The following PLA2G5 variants were observed in gnomAD, a reference collection of about 807,000 sequenced individuals.
PLA2G5 encodes the protein Ca2+-dependent phospholipase A2.
A neutral mutation model predicts 15.9 loss-of-function variants in PLA2G5; 12 were observed. The ratio of observed to expected loss-of-function variants is 0.76; its 90% CI spans 0.48 to 1.23. PLA2G5 has a LOEUF of 1.23. Ranked by LOEUF, PLA2G5 falls within the 50% of genes most tolerant of loss-of-function variation. PLA2G5 has a pLI of 0.00. For synonymous variants in PLA2G5, 71 were observed against 71.4 expected, an observed-to-expected ratio of 0.99 and a Z score of 0.03; for missense variants, 169 against 177.1, an observed-to-expected ratio of 0.95 and a Z score of 0.26.
intron 1 of PLA2G5, among the ~76,000 whole-genome samples, chr1:20,080,261 T>G (rs572782440): frequency 6.6e-6 from 1 of 152,244 alleles, no homozygotes; most frequent in Admixed American, 6.5e-5. Flanking sequence ...CTCTGATCAC[T>G]GTCCCTCCTG....
chr1:20,047,354 G>GAA (rs200094633), intron 1 of PLA2G5, among the ~76,000 whole-genome samples: 1 of 139,680 alleles, frequency 7.2e-6, no homozygotes, highest in Non-Finnish European at 1.6e-5. Context: ...CTCCTTTTAG[G>GAA]AAAAAAAAAA....
chr1:20,030,531 C>T (rs920054697), intron 1 of PLA2G5, among the ~76,000 whole-genome samples: 68 of 151,826 alleles, frequency 4.5e-4, no homozygotes, highest in African/African-American at 1.6e-3. Context: ...AGACAGATGC[C>T]TTCCTCTTAT....
upstream of PLA2G5, chr1:20,068,740 C>A (rs1050325053): frequency 9.1e-6 from 3 of 328,102 alleles, no homozygotes; most frequent in Admixed American, 1.3e-4. Context: ...AGTGAGCCCC[C>A]ACGCCCGGCC....
At chr1:20,061,974 C>A (rs77796806) in intron 2 of PLA2G5, among the ~76,000 whole-genome samples, 4,368 of 152,264 alleles carry the variant, frequency 0.029, 117 homozygotes, top group Admixed American at 0.089. Flanking sequence ...GAGGCAGATC[C>A]CTCAAGAATG....
chr1:20,081,837 A>C (rs1281761570), intron 1 of PLA2G5, among the ~76,000 whole-genome samples: 1 of 151,838 alleles, frequency 6.6e-6, no homozygotes, highest in East Asian at 1.9e-4. Flanking sequence ...GCGGATCCTG[A>C]GGTCAGGAGA....
chr1:20,061,127 C>T (rs945533035), intron 2 of PLA2G5, among the ~76,000 whole-genome samples: 2 of 152,186 alleles, frequency 1.3e-5, no homozygotes, highest in African/African-American at 2.4e-5. Flanking sequence ...CTCCATTGCT[C>T]TCACCTCTCT....
At chr1:20,069,544 ATGTGCC>A (rs1203396320), upstream of PLA2G5, among the ~76,000 whole-genome samples, 4 of 152,082 alleles carry the variant, frequency 2.6e-5, no homozygotes, top group Non-Finnish European at 5.9e-5. Flanking sequence ...ATGGGGTGGC[ATGTGCC>A]TGTGGTCCCA....
intron 1 of PLA2G5, among the ~76,000 whole-genome samples, chr1:20,029,248 A>AGAGGGGGCATGTAGCAG (rs1389687355): frequency 6.6e-6 from 1 of 152,062 alleles, no homozygotes; most frequent in East Asian, 1.9e-4. Flanking sequence ...TGCCCCCACC[A>AGAGGGGGCATGTAGCAG]AACTCCATGT....
chr1:20,081,039 G>C (rs2015990667), intron 1 of PLA2G5, among the ~76,000 whole-genome samples: 1 of 152,030 alleles, frequency 6.6e-6, no homozygotes, highest in South Asian at 2.1e-4. Context: ...GGGAGGTCTT[G>C]GAGCTGCTGC....
chr1:20,054,660 C>T (rs1055042821), intron 1 of PLA2G5: 3 of 152,016 alleles, frequency 2.0e-5, no homozygotes, highest in African/African-American at 4.8e-5. Context: ...TACAGTCCTC[C>T]ATTGTTGGGA....
rs537736794 is a variant in PLA2G5, at chr1:20,076,337, A to G, written c.-11+5872A>G. On this transcript the variant is annotated intron_variant, in intron 1 of 4. Transcript: ENST00000375108. ...CAAAAATCCAGTTCCACTCATCGGC[A>G]ATTATTGGAACACTGAACCAACTTA... Among the ~76,000 whole-genome samples, 71 of 152,256 alleles carry G rather than the reference A, an allele frequency of 4.7e-4. 1 individual carries two copies. The highest frequency in any genetic ancestry group is 3.9e-4 in the Admixed American group (6 of 15,298).
In PLA2G5 at chr1:20,090,746, C is replaced by T; in HGVS notation, c.*54C>T. 6.3e-7 allele frequency: 1 copy of T among 1,584,914 alleles called. No homozygotes were observed. Among genetic ancestry groups the T allele is most frequent in the Non-Finnish European group, 8.7e-7 (1 of 1,153,832 alleles). ...AGACTTTTGTTCTGTTTTTCTACAACACAGAGTACTGACTCTGCCTGGTTC... is the reference window on the plus strand; with the variant it reads ...AGACTTTTGTTCTGTTTTTCTACAATACAGAGTACTGACTCTGCCTGGTTC... On this transcript the variant is annotated 3_prime_UTR_variant, in exon 5 of 5. Transcript: ENST00000375108.
chr1:20,055,535 A>G (rs1238274479), intron 1 of PLA2G5, among the ~76,000 whole-genome samples: 1 of 152,188 alleles, frequency 6.6e-6, no homozygotes, highest in East Asian at 1.9e-4. Flanking sequence ...GTTTGGCTGC[A>G]GGACCATAGA....
At position 20,089,786 on chromosome 1, in the gene PLA2G5, C is replaced by T; in HGVS notation, c.186-3C>T. 2 of 1,612,888 alleles carry T rather than the reference C, an allele frequency of 1.2e-6. No individual in the cohort carries two copies. The highest frequency in any genetic ancestry group is 1.7e-6 in the Non-Finnish European group (2 of 1,178,878). On this transcript the variant is annotated splice_region_variant and splice_polypyrimidine_tract_variant and intron_variant, in intron 3 of 4. Coordinates refer to ENST00000375108, the MANE Select transcript of PLA2G5 (RefSeq NM_000929.3). ...TCGGGATCTAAGTCTCTTGCACGGA[C>T]AGGTGCTGTTGGGCGCATGACCACT...
intron 1 of PLA2G5, among the ~76,000 whole-genome samples, chr1:20,049,065 G>T (rs562825957): frequency 6.6e-6 from 1 of 152,042 alleles, no homozygotes; most frequent in Non-Finnish European, 1.5e-5. Context: ...AAATAAGAGA[G>T]GTTTAAGGAA....
chr1:20,049,870 G>A (rs2014097092), intron 1 of PLA2G5, among the ~76,000 whole-genome samples: 1 of 152,164 alleles, frequency 6.6e-6, no homozygotes, highest in Non-Finnish European at 1.5e-5. Context: ...CTTTTAAAGG[G>A]TGTGAAATAG....
At chr1:20,067,356 A>G (rs1251775610), upstream of PLA2G5, among the ~76,000 whole-genome samples, 1 of 152,164 alleles carries the variant, frequency 6.6e-6, no homozygotes, top group Non-Finnish European at 1.5e-5. Flanking sequence ...AAGAGAGAAG[A>G]GGGATTTTCC....
In PLA2G5 at chr1:20,076,123, G is replaced by A. The variant is rs572583475; in HGVS notation, c.-11+5658G>A. On this transcript the variant is annotated intron_variant, in intron 1 of 4. Transcript: ENST00000375108. ...CCTGACCTCAATTCGGGCCTGCCTCGGGCTCCCAAAGTGCTGGTATTACAG... is the reference window on the plus strand; with the variant it reads ...CCTGACCTCAATTCGGGCCTGCCTCAGGCTCCCAAAGTGCTGGTATTACAG... Among the ~76,000 whole-genome samples, 7 of 152,144 alleles carry A rather than the reference G, an allele frequency of 4.6e-5. No homozygotes were observed. The South Asian group carries it at 1.0e-3, about 23-fold the overall frequency.
intron 1 of PLA2G5, among the ~76,000 whole-genome samples, chr1:20,081,692 G>A (rs1159151778): frequency 6.6e-6 from 1 of 151,786 alleles, no homozygotes; most frequent in Admixed American, 6.6e-5. Flanking sequence ...GGGAAAGGTG[G>A]CCCGGGTGTA....
Sources: allele counts gnomAD v4.1 joint callset (sites outside exome capture counted in the v4.1 genomes callset), GRCh38; gene constraint gnomAD v4.1.1; transcripts MANE v1.5; gene names NCBI Gene and HGNC (gene_info 2026-07-23, HGNC 2026-07-21).